The following STXBP6 variants were observed in gnomAD, a reference collection of about 807,000 sequenced individuals.
STXBP6 encodes the protein syntaxin-binding protein 6.
Under a neutral mutation model 26.9 loss-of-function variants are expected in STXBP6, and 21 were observed. That is an observed-to-expected ratio of 0.78 (90% CI 0.55 to 1.12). The LOEUF is 1.12. STXBP6 is among the 50% of genes most tolerant of loss of function. The pLI is 0.00. For missense variants in STXBP6, 232 were observed against 257.9 expected (o/e 0.90, Z 0.69); for synonymous variants, 97 against 92.6 (o/e 1.05, Z -0.27).
chr14:24,932,379 C>T (rs998226150), intron 2 of STXBP6, among the ~76,000 whole-genome samples: 4 of 151,996 alleles, frequency 2.6e-5, no homozygotes, highest in African/African-American at 7.3e-5. Context: ...TTGGCTTAGC[C>T]GGACATGGTG....
chr14:24,865,188 T>A (rs1238445423), intron 2 of STXBP6, among the ~76,000 whole-genome samples: 1 of 152,166 alleles, frequency 6.6e-6, no homozygotes, highest in Non-Finnish European at 1.5e-5. Context: ...ATGTCTACCC[T>A]CCTGCCTGAA....
chr14:24,889,575 TAAAAA>T (rs1555320725), intron 2 of STXBP6, among the ~76,000 whole-genome samples: 1 of 147,382 alleles, frequency 6.8e-6, no homozygotes, highest in Non-Finnish European at 1.5e-5. Context: ...AATAATAAAA[TAAAAA>T]AAGAAAAAAA....
intron 2 of STXBP6, among the ~76,000 whole-genome samples, chr14:24,899,565 G>C (rs1053381014): frequency 1.3e-5 from 2 of 151,892 alleles, no homozygotes; most frequent in African/African-American, 4.8e-5. Context: ...TGGATCACCT[G>C]AGGTCAGGAG....
At chr14:24,974,207 C>T (rs1006609102) in intron 2 of STXBP6, among the ~76,000 whole-genome samples, 2 of 152,166 alleles carry the variant, frequency 1.3e-5, no homozygotes, top group African/African-American at 4.8e-5. Flanking sequence ...AATCAACCTC[C>T]TCACATTCCA....
chr14:24,907,057 T>C (rs1248069231), intron 2 of STXBP6, among the ~76,000 whole-genome samples: 1 of 152,134 alleles, frequency 6.6e-6, no homozygotes, highest in Non-Finnish European at 1.5e-5. Flanking sequence ...GAGTTGGTTA[T>C]GAGTACAAAA....
In STXBP6 at chr14:25,035,896, G is replaced by A. The variant is rs185243590; in HGVS notation, c.-33+13982C>T. Among the ~76,000 whole-genome samples the A allele has an allele frequency of 2.5e-3, 379 of 152,258 alleles. 9 individuals carry two copies. The highest frequency in any genetic ancestry group is 1.5e-3 in the East Asian group (8 of 5,184). ...ATGTAGTCGCAGGAGAAACACAGAGGTTTCTTTGCTACTACTTTGAGCCAG... is the reference window on the plus strand; with the variant it reads ...ATGTAGTCGCAGGAGAAACACAGAGATTTCTTTGCTACTACTTTGAGCCAG... On this transcript the variant is annotated intron_variant, in intron 1 of 5. Transcript: ENST00000323944.
chr14:24,834,932 C>T (rs1474173933), intron 4 of STXBP6, among the ~76,000 whole-genome samples: 1 of 152,114 alleles, frequency 6.6e-6, no homozygotes, highest in Non-Finnish European at 1.5e-5. Flanking sequence ...AGTTTTCTTC[C>T]ATGATACACA....
At position 24,974,836 on chromosome 14, in the gene STXBP6, C is replaced by G. The variant is rs778257542; in HGVS notation, c.-18G>C. 3.2e-6 allele frequency: 5 copies of G among 1,568,642 alleles called. No individual in the cohort carries two copies. Among genetic ancestry groups the G allele is most frequent in the Non-Finnish European group, 4.3e-6 (5 of 1,153,264 alleles). On this transcript the variant is annotated 5_prime_UTR_variant, in exon 2 of 6. Transcript: ENST00000323944. Reference sequence around the variant, plus strand: ...GCACTCATTGTAGAACAAGTGAGGACAGCACGCAGTGAATCTTTTAAAGAA... The same window carrying G: ...GCACTCATTGTAGAACAAGTGAGGAGAGCACGCAGTGAATCTTTTAAAGAA...
At chr14:24,936,125 C>A (rs181206498) in intron 2 of STXBP6, among the ~76,000 whole-genome samples, 1 of 152,152 alleles carries the variant, frequency 6.6e-6, no homozygotes, top group Non-Finnish European at 1.5e-5. Flanking sequence ...CTGACTAGAG[C>A]CCTGTGTTAG....
In STXBP6 at chr14:24,977,848, A is replaced by G. The variant is rs749994141; in HGVS notation, c.-32-2998T>C. Among the ~76,000 whole-genome samples the G allele has an allele frequency of 9.2e-5, 14 of 152,086 alleles. 1 individual carries two copies. The highest frequency in any genetic ancestry group is 1.9e-4 in the Non-Finnish European group (13 of 67,998). On this transcript the variant is annotated intron_variant, in intron 1 of 5. Coordinates refer to ENST00000323944, the MANE Select transcript of STXBP6 (RefSeq NM_001394410.1). ...CACCTTTCTCACCCATCAGTGTGAG[A>G]CCCTCCACCTACAGATAAACAGTCT...
At position 24,810,385 on chromosome 14, in the gene STXBP6, G is replaced by C. The variant is rs918588337; in HGVS notation, c.*2324C>G. 2.0e-5 allele frequency: 3 copies of C among 152,262 alleles called. No homozygotes were observed. The highest frequency in any genetic ancestry group is 4.1e-4 in the South Asian group (2 of 4,824). The allele number at this position is 152,262 out of a possible 1,614,324, so 9.4% of individuals were successfully genotyped here. A position where few individuals can be genotyped will look rare whatever the true frequency, so the allele number is the denominator to read the frequency against. Reference sequence around the variant, plus strand: ...ACTGGGCTCCTCTGCAAGAGGCTGGGAGGTAAAGGAGGGGCAGGGATTGCT... The same window carrying C: ...ACTGGGCTCCTCTGCAAGAGGCTGGCAGGTAAAGGAGGGGCAGGGATTGCT... On this transcript the variant is annotated 3_prime_UTR_variant, in exon 6 of 6. Coordinates refer to ENST00000323944, the MANE Select transcript of STXBP6 (RefSeq NM_001394410.1).
intron 2 of STXBP6, among the ~76,000 whole-genome samples, chr14:24,970,106 T>C (rs1354060182): frequency 6.6e-6 from 1 of 151,966 alleles, no homozygotes; most frequent in Non-Finnish European, 1.5e-5. Context: ...TTGGGTGCAG[T>C]GGTGTGCGCC....
rs181507767 is a variant in STXBP6 at position 24,959,872 on chromosome 14, C to T, written c.154+14793G>A. On this transcript the variant is annotated intron_variant, in intron 2 of 5. Coordinates refer to ENST00000323944, the MANE Select transcript of STXBP6 (RefSeq NM_001394410.1). The stretch of plus-strand genomic sequence containing the variant: ...GTAGGTTTCCCTTTTTTAAACAGTA[C>T]AAAAGGCCAAGAAGCTTTAGAACTA... Among the ~76,000 whole-genome samples the T allele has an allele frequency of 1.2e-4, 19 of 152,272 alleles. No homozygotes were observed. In the East Asian group the frequency reaches 3.1e-3, roughly 25 times the overall value.
In STXBP6 at chr14:24,811,189, T is replaced by A. The variant is rs2067813878; in HGVS notation, c.*1520A>T. 6.6e-6 allele frequency: 1 copy of A among 152,160 alleles called. No individual in the cohort carries two copies. Among genetic ancestry groups the A allele is most frequent in the Non-Finnish European group, 1.5e-5 (1 of 68,036 alleles). The allele number at this position is 152,160 out of a possible 1,614,324, so 9.4% of individuals were successfully genotyped here. On this transcript the variant is annotated 3_prime_UTR_variant, in exon 6 of 6. Transcript: ENST00000323944. ...CACCATCTGATATTTTTACCCCCAGTAGACAAACTTTCTCTCTCCTTGGGA... is the reference window on the plus strand; with the variant it reads ...CACCATCTGATATTTTTACCCCCAGAAGACAAACTTTCTCTCTCCTTGGGA...
chr14:25,013,466 TCACACACACACACACA>T (rs3219652), intron 1 of STXBP6, among the ~76,000 whole-genome samples: 1 of 143,254 alleles, frequency 7.0e-6, no homozygotes, highest in South Asian at 2.3e-4. Context: ...CATCTCTCTT[TCACACACACACACACA>T]CACACACACA....
At chr14:24,973,033 A>G (rs1428076731) in intron 2 of STXBP6, among the ~76,000 whole-genome samples, 1 of 152,114 alleles carries the variant, frequency 6.6e-6, no homozygotes, top group Non-Finnish European at 1.5e-5. Context: ...AGGAGGATCG[A>G]TTGAACCCAA....
rs368954112 is a variant in STXBP6 at position 25,009,303 on chromosome 14, G to A, written c.-32-34453C>T. 5.3e-5 allele frequency among the ~76,000 whole-genome samples: 8 copies of A among 152,274 alleles called. No individual in the cohort carries two copies. The East Asian group carries it at 1.3e-3, about 26-fold the overall frequency. ...TAAAACCTAAACATACAGCTTTGAAGCTTCAAATATTATTTAATTTCCCAG... is the reference window on the plus strand; with the variant it reads ...TAAAACCTAAACATACAGCTTTGAAACTTCAAATATTATTTAATTTCCCAG... On this transcript the variant is annotated intron_variant, in intron 1 of 5. Coordinates refer to ENST00000323944, the MANE Select transcript of STXBP6 (RefSeq NM_001394410.1).
intron 1 of STXBP6, among the ~76,000 whole-genome samples, chr14:25,004,576 A>C (rs1206567761): frequency 6.6e-6 from 1 of 152,186 alleles, no homozygotes; most frequent in Admixed American, 6.5e-5. Flanking sequence ...GCTCCTGACA[A>C]AGTCATTTAT....
chr14:24,954,062 CA>C (rs1274876346), intron 2 of STXBP6, among the ~76,000 whole-genome samples: 1 of 152,050 alleles, frequency 6.6e-6, no homozygotes, highest in Non-Finnish European at 1.5e-5. Context: ...TGAAAGTGAC[CA>C]GCATTTTTTC....
Sources: allele counts gnomAD v4.1 joint callset (sites outside exome capture counted in the v4.1 genomes callset), GRCh38; gene constraint gnomAD v4.1.1; transcripts MANE v1.5; gene names NCBI Gene and HGNC (gene_info 2026-07-23, HGNC 2026-07-21).